The following ANKMY1 variants were observed in gnomAD, a reference collection of about 807,000 sequenced individuals.
ANKMY1 encodes ankyrin repeat and MYND domain-containing protein 1.
A neutral mutation model predicts 102.0 loss-of-function variants in ANKMY1; 98 were observed. The ratio of observed to expected loss-of-function variants is 0.96; its 90% CI spans 0.82 to 1.14. ANKMY1 has a LOEUF of 1.14. Among genes scored for constraint, ANKMY1 ranks in the 50% most tolerant of loss-of-function variants. The pLI is 0.00. For missense variants in ANKMY1, 1,330 were observed against 1,347.6 expected (o/e 0.99, Z 0.20); for synonymous variants, 582 against 559.9 (o/e 1.04, Z -0.56).
chr2:240,487,355 C>T (rs2076170086), intron 15 of ANKMY1, among the ~76,000 whole-genome samples: 4 of 152,150 alleles, frequency 2.6e-5, no homozygotes, highest in Admixed American at 1.3e-4. Flanking sequence ...GTATATATAC[C>T]ACATTTTCTT....
At position 240,509,436 on chromosome 2, in the gene ANKMY1, C is replaced by G. The variant is rs570625017; in HGVS notation, c.2306G>C (p.Arg769Pro). ...DDNKCARDIV[R>P]LLLSHGANPN... ...ATTTGCTCCGTGGGATAGAAGGAGC[C>G]GGACTATGTCCCTGGCACACTGGGT... The change falls in exon 12 of 18, where the codon CGG becomes CCG. Residue 769 changes from arginine (R) to proline (P), a missense_variant. Coordinates refer to ENST00000401804, the MANE Select transcript of ANKMY1 (RefSeq NM_001282771.3). 5 of 1,612,962 alleles carry G rather than the reference C, an allele frequency of 3.1e-6. No homozygotes were observed. In the South Asian group the frequency reaches 5.5e-5, roughly 18 times the overall value.
chr2:240,505,595 GGAGACA>G (rs918536875), intron 13 of ANKMY1, among the ~76,000 whole-genome samples: 6 of 152,182 alleles, frequency 3.9e-5, no homozygotes, highest in East Asian at 1.9e-4. Flanking sequence ...GGAGGGCAGG[GGAGACA>G]GAGACAGAGA....
chr2:240,497,025 G>C (rs1047145254), intron 15 of ANKMY1, among the ~76,000 whole-genome samples: 8 of 152,022 alleles, frequency 5.3e-5, no homozygotes, highest in African/African-American at 1.9e-4. Context: ...TCTTAATATT[G>C]CCCATCATAA....
chr2:240,545,728 G>T (rs531965344), intron 4 of ANKMY1, among the ~76,000 whole-genome samples: 3 of 152,334 alleles, frequency 2.0e-5, no homozygotes, highest in South Asian at 4.1e-4. Flanking sequence ...AGCCTCAGGA[G>T]CCGATGCGAT....
chr2:240,555,399 C>T (rs895401620), intron 2 of ANKMY1: 8 of 290,644 alleles, frequency 2.8e-5, no homozygotes, highest in South Asian at 1.2e-4. Context: ...GCCTGCAGGA[C>T]GTGGGTGCCC....
At position 240,507,462 on chromosome 2, in the gene ANKMY1, G is replaced by A. The variant is rs956243874; in HGVS notation, c.2526+98C>T. On this transcript the variant is annotated intron_variant, in intron 13 of 17. Coordinates refer to ENST00000401804, the MANE Select transcript of ANKMY1 (RefSeq NM_001282771.3). ...CCCAGGGCCACCCACTCCCCTCCCC[G>A]CTCATCAGGGCCACCCAGCCCTCAC... The A allele has an allele frequency of 4.0e-5, 40 of 1,003,226 alleles. No individual in the cohort carries two copies. The East Asian group carries it at 1.2e-3, about 31-fold the overall frequency. The allele number at this position is 1,003,226 out of a possible 1,614,324, so 62.1% of individuals were successfully genotyped here.
chr2:240,559,973 T>C (rs1353020665), upstream of ANKMY1: 1 of 152,384 alleles, frequency 6.6e-6, no homozygotes, highest in East Asian at 1.9e-4. Flanking sequence ...GGCAATTTCA[T>C]GGACATTAAG....
chr2:240,561,012 T>C (rs1039013938), upstream of ANKMY1: 11 of 1,533,862 alleles, frequency 7.2e-6, no homozygotes, highest in African/African-American at 4.2e-5. Flanking sequence ...CCGCAGCCGC[T>C]CGGCCGCCGT....
At chr2:240,547,902 A>G (rs1245901326) in intron 4 of ANKMY1, among the ~76,000 whole-genome samples, 1 of 152,216 alleles carries the variant, frequency 6.6e-6, no homozygotes, top group Non-Finnish European at 1.5e-5. Flanking sequence ...GTCCAGGACC[A>G]GATGGATTCA....
chr2:240,538,462 T>G (rs2087558933), intron 4 of ANKMY1, among the ~76,000 whole-genome samples: 1 of 152,102 alleles, frequency 6.6e-6, no homozygotes, highest in African/African-American at 2.4e-5. Context: ...CCCTCAGCAC[T>G]GCCAGCCCGC....
chr2:240,547,737 C>G (rs1308449051), intron 4 of ANKMY1, among the ~76,000 whole-genome samples: 9 of 148,908 alleles, frequency 6.0e-5, no homozygotes, highest in Admixed American at 6.0e-4. Flanking sequence ...ACAAACACCT[C>G]TACGCAAATA....
intron 4 of ANKMY1, among the ~76,000 whole-genome samples, chr2:240,551,261 A>C (rs1399921644): frequency 6.6e-6 from 1 of 151,592 alleles, no homozygotes; most frequent in East Asian, 1.9e-4. Context: ...AAGTGTACTG[A>C]GTAGAGTATA....
intron 11 of ANKMY1, among the ~76,000 whole-genome samples, chr2:240,511,194 G>T (rs148529183): frequency 6.6e-6 from 1 of 152,048 alleles, no homozygotes; most frequent in South Asian, 2.1e-4. Flanking sequence ...TGGCACTCCT[G>T]CACACTCATC....
At chr2:240,500,729 C>T (rs2078039137) in intron 13 of ANKMY1, among the ~76,000 whole-genome samples, 164 bp from the exon 14 acceptor site, 4 of 152,170 alleles carry the variant, frequency 2.6e-5, no homozygotes, top group Non-Finnish European at 4.4e-5. Flanking sequence ...GAGATGGAGA[C>T]GGGGCTGACC....
At chr2:240,544,659 C>T (rs6728289) in intron 4 of ANKMY1, among the ~76,000 whole-genome samples, 4,165 of 152,240 alleles carry the variant, frequency 0.027, 193 homozygotes, top group African/African-American at 0.095. Flanking sequence ...GCGCACTGTG[C>T]GCAAGCCGAA....
chr2:240,520,280 C>G lies in ANKMY1; in HGVS notation c.2004+82G>C. 2.7e-6 allele frequency: 4 copies of G among 1,490,100 alleles called. No homozygotes were observed. The highest frequency in any genetic ancestry group is 3.6e-6 in the Non-Finnish European group (4 of 1,111,722). The allele number at this position is 1,490,100 out of a possible 1,614,324, so 92.3% of individuals were successfully genotyped here. ...CAAGAGCCCACCCCTCTCTTCCGCG[C>G]CTAGGTGGAGCGAGGAGCTTCCCGG... On this transcript the variant is annotated intron_variant, in intron 9 of 17. Coordinates refer to ENST00000401804, the MANE Select transcript of ANKMY1 (RefSeq NM_001282771.3). The surrounding 1 kb of genome is among the most constrained non-coding windows in gnomAD (Gnocchi z 4.8).
At chr2:240,554,366 T>C (rs937137187) in intron 3 of ANKMY1, 2 of 154,634 alleles carry the variant, frequency 1.3e-5, no homozygotes, top group African/African-American at 4.8e-5. Context: ...GTTACATCAT[T>C]AGAATCCTGG....
chr2:240,511,767 C>G, intron 11 of ANKMY1, 94 bp downstream of exon 11: 1 of 1,439,422 alleles, frequency 6.9e-7, no homozygotes, highest in African/African-American at 1.5e-5. Context: ...TAAGACTCAG[C>G]ATGAGAACAC....
intron 12 of ANKMY1, among the ~76,000 whole-genome samples, chr2:240,508,009 C>G (rs2079408133): frequency 6.6e-6 from 1 of 152,252 alleles, no homozygotes; most frequent in African/African-American, 2.4e-5. Context: ...TCCCAGCTCC[C>G]ACCTTGCTCT....
Sources: allele counts gnomAD v4.1 joint callset (sites outside exome capture counted in the v4.1 genomes callset), GRCh38; gene constraint gnomAD v4.1.1; non-coding constraint Gnocchi (gnomAD v3.1); transcripts MANE v1.5; gene names NCBI Gene and HGNC (gene_info 2026-07-23, HGNC 2026-07-21).